Variants in RORA observed in about 807,000 individuals in gnomAD.
RORA encodes nuclear receptor ROR-alpha.
A neutral mutation model predicts 69.5 loss-of-function variants in RORA; 7 were observed. That is an observed-to-expected ratio of 0.10 (90% CI 0.06 to 0.19). The LOEUF is 0.19. Among genes scored for constraint, RORA ranks in the 10% least tolerant of loss-of-function variants. The pLI is 1.00. For synonymous variants in RORA, 261 were observed against 240.8 expected (o/e 1.08, Z -0.78); for missense variants, 457 against 663.0 (o/e 0.69, Z 3.41).
intron 1 of RORA, among the ~76,000 whole-genome samples, chr15:61,039,617 C>T (rs1002488445): frequency 5.3e-5 from 8 of 151,772 alleles, no homozygotes; most frequent in African/African-American, 1.7e-4. Flanking sequence ...TGGTGGTGCA[C>T]ACCTGTAATC....
chr15:60,536,482 A>G (rs899164913), intron 2 of RORA, among the ~76,000 whole-genome samples: 8 of 152,236 alleles, frequency 5.3e-5, no homozygotes, highest in Non-Finnish European at 1.2e-4. Flanking sequence ...CCTTCACAAC[A>G]TTGCTGCTTA....
intron 1 of RORA, among the ~76,000 whole-genome samples, chr15:61,211,173 C>T (rs769398468): frequency 1.1e-4 from 16 of 151,808 alleles, no homozygotes; most frequent in African/African-American, 3.1e-4. Flanking sequence ...AAAAATGGGA[C>T]GCTCGCTTAA....
intron 1 of RORA, among the ~76,000 whole-genome samples, chr15:61,089,163 C>T (rs1317325118): frequency 6.6e-6 from 1 of 152,146 alleles, no homozygotes; most frequent in Admixed American, 6.5e-5. Context: ...TCAAGCATAA[C>T]AAAAGGAATG....
intron 1 of RORA, among the ~76,000 whole-genome samples, chr15:60,720,158 C>A (rs1467585862): frequency 1.3e-5 from 2 of 152,110 alleles, no homozygotes; most frequent in Non-Finnish European, 1.5e-5. Flanking sequence ...AGGCCATGAC[C>A]TGCCCTAGGT....
chr15:60,910,538 A>C (rs1232517558), intron 1 of RORA, among the ~76,000 whole-genome samples: 3 of 152,226 alleles, frequency 2.0e-5, no homozygotes, highest in Non-Finnish European at 4.4e-5. Context: ...ATGTGGAAGC[A>C]GGTTAACACC....
At chr15:61,050,549 G>A (rs1353730808) in intron 1 of RORA, among the ~76,000 whole-genome samples, 3 of 152,132 alleles carry the variant, frequency 2.0e-5, no homozygotes, top group Non-Finnish European at 2.9e-5. Context: ...GTGAAAAAGA[G>A]AACTCAAGGC....
At chr15:61,038,548 T>G (rs2140462956) in intron 1 of RORA, among the ~76,000 whole-genome samples, 1 of 152,314 alleles carries the variant, frequency 6.6e-6, no homozygotes, top group Non-Finnish European at 1.5e-5. Context: ...TCAGTCACAC[T>G]CTCAACAAAC....
In RORA at chr15:60,762,122, T is replaced by C. The variant is rs532627927; in HGVS notation, c.167-83436A>G. 1.3e-4 allele frequency among the ~76,000 whole-genome samples: 20 copies of C among 152,280 alleles called. No individual in the cohort carries two copies. The South Asian group carries it at 2.7e-3, about 21-fold the overall frequency. ...CAGGTTTCTAGCAGAAAAAGAAGCA[T>C]CTAGAATAAAATGCAGCTGGCTTTA... On this transcript the variant is annotated intron_variant, in intron 1 of 10. Coordinates refer to ENST00000335670, the MANE Select transcript of RORA (RefSeq NM_134261.3).
At chr15:60,597,743 G>A (rs1046521499) in intron 2 of RORA, among the ~76,000 whole-genome samples, 10 of 147,860 alleles carry the variant, frequency 6.8e-5, no homozygotes, top group African/African-American at 5.0e-5. Flanking sequence ...ACATCACATC[G>A]GGCAAGCCAT....
intron 1 of RORA, among the ~76,000 whole-genome samples, chr15:60,772,345 T>A (rs1395901916): frequency 2.0e-5 from 3 of 152,142 alleles, no homozygotes; most frequent in African/African-American, 7.2e-5. Context: ...GGTGGCAGGA[T>A]TCTCTTGCTA....
chr15:61,214,863 CTT>C (rs34041868), intron 1 of RORA, among the ~76,000 whole-genome samples: 7 of 107,062 alleles, frequency 6.5e-5, no homozygotes, highest in Non-Finnish European at 9.0e-5. Context: ...CCTTCTTGGA[CTT>C]TTTTTTTTTT....
intron 1 of RORA, among the ~76,000 whole-genome samples, chr15:60,831,241 G>T (rs2073037954): frequency 6.6e-6 from 1 of 152,124 alleles, no homozygotes; most frequent in South Asian, 2.1e-4. Flanking sequence ...ATTTGACAGG[G>T]TCTATTGAAA....
rs556082346 is a variant in RORA, at chr15:60,995,643, G to A, written c.166+233410C>T. On this transcript the variant is annotated intron_variant, in intron 1 of 10. Transcript: ENST00000335670. ...ACTCAAGACCCCCTCAAAAATGCCT[G>A]ATGTGTATTCCTTTTCAAATCACTG... 2.0e-5 allele frequency among the ~76,000 whole-genome samples: 3 copies of A among 152,342 alleles called. No homozygotes were observed. The South Asian group carries it at 6.2e-4, about 32-fold the overall frequency.
intron 1 of RORA, among the ~76,000 whole-genome samples, chr15:60,761,589 A>G (rs1319245383): frequency 1.3e-5 from 2 of 152,130 alleles, no homozygotes; most frequent in Admixed American, 1.3e-4. Context: ...TTTTGCAAAA[A>G]TGGCTCACTT....
intron 1 of RORA, among the ~76,000 whole-genome samples, chr15:60,918,544 C>T (rs1461780292): frequency 6.6e-6 from 1 of 152,184 alleles, no homozygotes; most frequent in Non-Finnish European, 1.5e-5. Flanking sequence ...GCATGATTAC[C>T]AACAACTAGC....
intron 1 of RORA, among the ~76,000 whole-genome samples, chr15:60,687,179 C>G (rs748338786): frequency 1.3e-5 from 2 of 152,038 alleles, no homozygotes; most frequent in Admixed American, 6.6e-5. Flanking sequence ...GGAAATGAGG[C>G]CCACTCTCAG....
intron 1 of RORA, among the ~76,000 whole-genome samples, chr15:60,869,290 C>T (rs559722485): frequency 2.0e-5 from 3 of 152,206 alleles, no homozygotes; most frequent in Admixed American, 2.0e-4. Context: ...AGGGCACAGG[C>T]TGATTTCGCG....
At chr15:61,004,641 C>T (rs978146265) in intron 1 of RORA, among the ~76,000 whole-genome samples, 3 of 152,082 alleles carry the variant, frequency 2.0e-5, no homozygotes, top group African/African-American at 7.2e-5. Flanking sequence ...CATACACACC[C>T]GTTCTAGGGA....
Position 60,501,036 on chromosome 15 carries a change from A to C in RORA, c.1217T>G (p.Phe406Cys). 4 of 1,609,902 alleles carry C rather than the reference A, an allele frequency of 2.5e-6. No individual in the cohort carries two copies. The highest frequency in any genetic ancestry group is 3.4e-6 in the Non-Finnish European group (4 of 1,176,504). The change falls in exon 9 of 11, where the codon TTT becomes TGT. Residue 406 changes from phenylalanine (F) to cysteine (C), a missense_variant. Physicochemically the swap from Phe to Cys is radical, Grantham distance 205. Coordinates refer to ENST00000335670, the MANE Select transcript of RORA (RefSeq NM_134261.3). The part of the protein sequence containing the change: ...CEDFISFVFE[F>C]GKSLCSMHLT... The stretch of plus-strand genomic sequence containing the variant: ...GTGCATAGAACATAAACTCTTTCCA[A>C]ATTCAAACACAAAGCTAATAAAGTC...
Sources: gnomAD v4.1 joint callset for allele counts (sites outside exome capture counted in the v4.1 genomes callset) on GRCh38, gnomAD v4.1.1 for gene constraint, MANE v1.5 for transcripts, NCBI Gene and HGNC (gene_info 2026-07-23, HGNC 2026-07-21) for gene names.